PPM1F: variants seen among roughly 807,000 people sequenced by gnomAD.
The protein encoded by PPM1F is protein phosphatase, Mg2+/Mn2+ dependent 1F.
Under a neutral mutation model 35.5 loss-of-function variants are expected in PPM1F, and 17 were observed. The observed-to-expected ratio is 0.48, with a 90% CI of 0.33 to 0.72. PPM1F has a LOEUF of 0.72. PPM1F is among the 30% of genes least tolerant of loss of function. PPM1F has a pLI of 0.02. For synonymous variants in PPM1F, 241 were observed against 255.5 expected (o/e 0.94, Z 0.54); for missense variants, 521 against 613.0 (o/e 0.85, Z 1.59).
chr22:21,925,684 TG>T, intron 6 of PPM1F, 22 bp from the exon 7 acceptor site: 1 of 1,541,278 alleles, frequency 6.5e-7, no homozygotes, highest in Non-Finnish European at 8.8e-7. Context: ...CAGCCAGAGT[TG>T]GGGGCAGGGC....
intron 7 of PPM1F, among the ~76,000 whole-genome samples, chr22:21,924,450 T>C (rs2070486791): frequency 6.6e-6 from 1 of 152,142 alleles, no homozygotes; most frequent in African/African-American, 2.4e-5. Flanking sequence ...TTTGTATTTT[T>C]AGTAGAGATG....
Position 21,934,133 on chromosome 22 carries a change from G to A in PPM1F, c.449C>T (p.Ala150Val), listed in dbSNP as rs971123078. The part of the protein sequence containing the change: ...WQKQVPLAAR[A>V]SQRQWLVSIH... Reference sequence around the variant, plus strand: ...GGAGACCAGCCACTGCCGCTGTGAGGCCCGGGCAGCCAATGGCACCTGCTT... The same window carrying A: ...GGAGACCAGCCACTGCCGCTGTGAGACCCGGGCAGCCAATGGCACCTGCTT... The change falls in exon 4 of 8, where the codon GCC (alanine) becomes GTC (valine). Residue 150 changes from alanine to valine, a missense_variant. By Grantham distance (64) the Ala-to-Val change is moderately conservative (BLOSUM62 0). Around this residue, in one of 3 missense-constraint regions of PPM1F, gnomAD observed 311 missense variants for 351.5 expected, o/e 0.88. Transcript: ENST00000263212. The A allele has an allele frequency of 5.7e-6, 9 of 1,572,030 alleles. No individual in the cohort carries two copies. Among genetic ancestry groups the A allele is most frequent in the African/African-American group, 1.3e-5 (1 of 74,312 alleles).
At chr22:21,931,653 CA>C (rs1569127837) in intron 5 of PPM1F, among the ~76,000 whole-genome samples, 1 of 148,922 alleles carries the variant, frequency 6.7e-6, no homozygotes, top group Non-Finnish European at 1.5e-5. Flanking sequence ...GCTAAGATTA[CA>C]GGCGTACAGC....
Position 21,922,940 on chromosome 22 carries a change from G to A in PPM1F, c.*152C>T. 2 of 912,756 alleles carry A rather than the reference G, an allele frequency of 2.2e-6. No individual in the cohort carries two copies. The highest frequency in any genetic ancestry group is 2.5e-5 in the East Asian group (1 of 40,418). 56.5% of individuals were successfully genotyped at this position (912,756 alleles called of 1,614,324 possible). A position where few individuals can be genotyped will look rare whatever the true frequency, so the allele number is the denominator to read the frequency against. On this transcript the variant is annotated 3_prime_UTR_variant, in exon 8 of 8. Coordinates refer to ENST00000263212, the MANE Select transcript of PPM1F (RefSeq NM_014634.4). ...AGTTCCACAGCCACCAGGACGGGCTGCGGGGGGTGTCCCGACTGGCTCTGG... is the reference window on the plus strand; with the variant it reads ...AGTTCCACAGCCACCAGGACGGGCTACGGGGGGTGTCCCGACTGGCTCTGG...
intron 3 of PPM1F, chr22:21,937,722 G>C (rs1247528625): frequency 6.1e-6 from 1 of 162,788 alleles, no homozygotes; most frequent in African/African-American, 2.4e-5. Flanking sequence ...TGTGGCTCAC[G>C]GTCTCGCCCC....
intron 7 of PPM1F, chr22:21,925,320 A>G (rs1044991226): frequency 2.3e-6 from 1 of 435,066 alleles, no homozygotes; most frequent in Non-Finnish European, 4.1e-6. Flanking sequence ...ACAGGTTTCT[A>G]TGAGATTTGT....
chr22:21,923,059 G>A lies in PPM1F; in HGVS notation c.*33C>T. 1 of 1,560,782 alleles carries A rather than the reference G, an allele frequency of 6.4e-7. No homozygotes were observed. Among genetic ancestry groups the A allele is most frequent in the South Asian group, 1.2e-5 (1 of 82,752 alleles). On this transcript the variant is annotated 3_prime_UTR_variant, in exon 8 of 8. Coordinates refer to ENST00000263212, the MANE Select transcript of PPM1F (RefSeq NM_014634.4). Reference sequence around the variant, plus strand: ...TCTGAGGGAGAGAAGGACAAGGATGGGAGGAAGGGGAGGGCAGGGGCCTGG... The same window carrying A: ...TCTGAGGGAGAGAAGGACAAGGATGAGAGGAAGGGGAGGGCAGGGGCCTGG...
Position 21,922,933 on chromosome 22 carries a change from A to C in PPM1F, c.*159T>G. On this transcript the variant is annotated 3_prime_UTR_variant, in exon 8 of 8. Transcript: ENST00000263212. ...CCAGTGCAGTTCCACAGCCACCAGGACGGGCTGCGGGGGGTGTCCCGACTG... is the reference window on the plus strand; with the variant it reads ...CCAGTGCAGTTCCACAGCCACCAGGCCGGGCTGCGGGGGGTGTCCCGACTG... 1.1e-6 allele frequency: 1 copy of C among 910,220 alleles called. No homozygotes were observed. The highest frequency in any genetic ancestry group is 1.7e-6 in the Non-Finnish European group (1 of 604,616). The allele number at this position is 910,220 out of a possible 1,614,324, so 56.4% of individuals were successfully genotyped here.
chr22:21,938,503 G>C (rs545112432), intron 3 of PPM1F: 3 of 1,095,794 alleles, frequency 2.7e-6, no homozygotes, highest in Admixed American at 9.7e-5. Context: ...TCGGGTATTC[G>C]CTTTCTCTCT....
chr22:21,937,915 G>T lies in PPM1F; in HGVS notation c.355+1617C>A, dbSNP rs566007632. The T allele has an allele frequency of 8.6e-4, 327 of 381,226 alleles. 2 individuals carry two copies. Among genetic ancestry groups the T allele is most frequent in the African/African-American group, 7.0e-3 (318 of 45,108 alleles). The allele number at this position is 381,226 out of a possible 1,614,324, so 23.6% of individuals were successfully genotyped here. On this transcript the variant is annotated intron_variant, in intron 3 of 7. Transcript: ENST00000263212. Reference sequence around the variant, plus strand: ...GGGGCTGACTGGCAGCCACACAGAGGTTTCAGCCACTCGCTGCTCTTCAGT... The same window carrying T: ...GGGGCTGACTGGCAGCCACACAGAGTTTTCAGCCACTCGCTGCTCTTCAGT...
chr22:21,932,637 G>A (rs1038169228), intron 5 of PPM1F: 1 of 152,166 alleles, frequency 6.6e-6, no homozygotes. Context: ...GGTTCAGAGT[G>A]GCTAAGTTCA....
rs1237907416 is a variant in PPM1F at position 21,923,400 on chromosome 22, C to T, written c.1057G>A (p.Asp353Asn). 6.2e-7 allele frequency: 1 copy of T among 1,613,800 alleles called. No individual in the cohort carries two copies. The highest frequency in any genetic ancestry group is 2.2e-5 in the East Asian group (1 of 44,874). ...CCATCACAGGCAAGCAGCAGGTAGT[C>T]CTCGGAGCCCGTCAGCGCCCGGGAA... ...AASRALTGSE[D>N]YLLLACDGFF... The change falls in exon 8 of 8, where the codon GAC becomes AAC. Residue 353 changes from aspartate (D) to asparagine (N), a missense_variant. This residue lies in a region of PPM1F where 163 missense variants were observed against 169.6 expected (regional missense o/e 0.96). Coordinates refer to ENST00000263212, the MANE Select transcript of PPM1F (RefSeq NM_014634.4).
intron 3 of PPM1F, chr22:21,938,318 A>C (rs1369228988): frequency 8.2e-7 from 1 of 1,216,164 alleles, no homozygotes; most frequent in Admixed American, 3.2e-5. Flanking sequence ...AGCAGCTGCC[A>C]CCGGCCGGAA....
At position 21,919,875 on chromosome 22, in the gene PPM1F, T is replaced by TAGGAG. The variant is rs201567641; in HGVS notation, c.*3212_*3216dup. On this transcript the variant is annotated 3_prime_UTR_variant, in exon 8 of 8. Transcript: ENST00000263212. Reference sequence around the variant, plus strand: ...CCCGGTGCCCACGCTGGGCTCACCATAGGAGAGGAGAGGAGAGGGAGGGGG... The same window carrying TAGGAG: ...CCCGGTGCCCACGCTGGGCTCACCATAGGAGAGGAGAGGAGAGGAGAGGGAGGGGG... 0.012 allele frequency: 1,905 copies of TAGGAG among 152,454 alleles called. 21 individuals are homozygous for TAGGAG. The highest frequency in any genetic ancestry group is 0.018 in the Non-Finnish European group (1,237 of 68,150). The allele number at this position is 152,454 out of a possible 1,614,324, so 9.4% of individuals were successfully genotyped here. A position where few individuals can be genotyped will look rare whatever the true frequency, so the allele number is the denominator to read the frequency against.
At chr22:21,938,478 C>G (rs1020469954) in intron 3 of PPM1F, 1 of 1,110,496 alleles carries the variant, frequency 9.0e-7, no homozygotes, top group African/African-American at 1.7e-5. Context: ...CGGGCACCCA[C>G]TGATGCTGGC....
chr22:21,929,223 G>A (rs1321716353), intron 6 of PPM1F, among the ~76,000 whole-genome samples: 2 of 152,168 alleles, frequency 1.3e-5, no homozygotes, highest in Non-Finnish European at 2.9e-5. Flanking sequence ...ATCACAGCAG[G>A]AGGGGCCAAG....
chr22:21,925,537 C>T, intron 7 of PPM1F, 32 bp downstream of exon 7: 1 of 1,603,910 alleles, frequency 6.2e-7, no homozygotes, highest in Non-Finnish European at 8.5e-7. Flanking sequence ...GAGAGACCTT[C>T]TCCCACTTGG....
chr22:21,943,954 C>G (rs1402711581), intron 2 of PPM1F: 1 of 152,418 alleles, frequency 6.6e-6, no homozygotes, highest in Non-Finnish European at 1.5e-5. Context: ...CCGGGCCTGG[C>G]TTTTTGCCTC....
At chr22:21,924,110 G>C (rs756368530) in intron 7 of PPM1F, among the ~76,000 whole-genome samples, 4 of 152,088 alleles carry the variant, frequency 2.6e-5, no homozygotes, top group Non-Finnish European at 5.9e-5. Context: ...CTGCCAAAAA[G>C]GACAGAATGT....
Sources: allele counts gnomAD v4.1 joint callset (sites outside exome capture counted in the v4.1 genomes callset), GRCh38; gene constraint gnomAD v4.1.1; regional missense constraint gnomAD v4.1.1; transcripts MANE v1.5; gene names NCBI Gene and HGNC (gene_info 2026-07-23, HGNC 2026-07-21).